ACBD5: variants seen among roughly 807,000 people sequenced by gnomAD.
ACBD5 encodes acyl-CoA-binding domain-containing protein 5.
In ACBD5, 40 loss-of-function variants were observed where a neutral mutation model predicts 71.8. That is an observed-to-expected ratio of 0.56 (90% CI 0.43 to 0.72). The LOEUF is 0.72. ACBD5 is among the 30% of genes least tolerant of loss of function. The pLI, the probability that ACBD5 is intolerant of heterozygous loss-of-function variation, is 0.00. For synonymous variants in ACBD5, 229 were observed against 218.6 expected (o/e 1.05, Z -0.42); for missense variants, 559 against 644.5 (o/e 0.87, Z 1.44).
intron 8 of ACBD5, among the ~76,000 whole-genome samples, chr10:27,211,458 T>C (rs1447954753): frequency 1.3e-5 from 2 of 152,088 alleles, no homozygotes; most frequent in East Asian, 1.9e-4. Flanking sequence ...GTAGCTGGGA[T>C]TACAGGCACG....
At chr10:27,207,891 C>T (rs974194015) in intron 10 of ACBD5, among the ~76,000 whole-genome samples, 1 of 152,044 alleles carries the variant, frequency 6.6e-6, no homozygotes, top group Non-Finnish European at 1.5e-5. Context: ...TGCAACACCA[C>T]ACCTGCCTAA....
At chr10:27,205,827 G>T (rs1324037874) in intron 10 of ACBD5, among the ~76,000 whole-genome samples, 2 of 151,872 alleles carry the variant, frequency 1.3e-5, no homozygotes, top group Non-Finnish European at 2.9e-5. Flanking sequence ...ACCATGCCTG[G>T]CCCAATTTAT....
intron 4 of ACBD5, among the ~76,000 whole-genome samples, chr10:27,228,815 A>ATATATATATT (rs1554856598): frequency 2.0e-4 from 4 of 20,368 alleles, no homozygotes; most frequent in Admixed American, 7.2e-4. Flanking sequence ...ATATATATAT[A>ATATATATATT]TTTTTTTTTT....
intron 5 of ACBD5, among the ~76,000 whole-genome samples, chr10:27,221,332 G>A (rs555864845): frequency 4.9e-4 from 75 of 152,066 alleles, no homozygotes; most frequent in Non-Finnish European, 7.4e-4. Context: ...AAATACCCTC[G>A]TTTTACTTCA....
intron 12 of ACBD5, among the ~76,000 whole-genome samples, chr10:27,199,901 A>G (rs1017169161): frequency 2.6e-5 from 4 of 152,108 alleles, no homozygotes; most frequent in African/African-American, 9.7e-5. Flanking sequence ...CTGAGAGACA[A>G]TAGCGTGAAC....
At position 27,217,984 on chromosome 10, in the gene ACBD5, G is replaced by A. The variant is rs760803176; in HGVS notation, c.825C>T (p.His275=). The A allele has an allele frequency of 1.9e-6, 3 of 1,613,976 alleles. No individual in the cohort carries two copies. In the South Asian group the frequency reaches 3.3e-5, roughly 18 times the overall value. The part of the protein sequence containing the change: ...GQTGKSAVCI[H]QDINDDHVED... ...AGAATTATTTGGGGACAATACCTTG[G>A]TGAATGCAAACAGCAGATTTTCCAG... Residue 275 remains histidine (H), a synonymous_variant, in exon 7 of 13, where the codon CAC becomes CAT. Transcript: ENST00000396271.
At chr10:27,229,117 C>A (rs756283114) in intron 4 of ACBD5, among the ~76,000 whole-genome samples, 1 of 151,070 alleles carries the variant, frequency 6.6e-6, no homozygotes, top group East Asian at 2.0e-4. Context: ...CCACCACAGC[C>A]GGCGTTAAAA....
chr10:27,186,326 A>G, intron 13 of ACBD5: 1 of 1,487,286 alleles, frequency 6.7e-7, no homozygotes, highest in Non-Finnish European at 9.4e-7. Flanking sequence ...CCTGTAAAGC[A>G]GTACTTACTT....
intron 5 of ACBD5, among the ~76,000 whole-genome samples, chr10:27,222,868 G>C (rs1280129840): frequency 7.9e-5 from 12 of 152,098 alleles, no homozygotes; most frequent in Non-Finnish European, 2.9e-5. Context: ...CACCACACCT[G>C]GCCAACATAT....
chr10:27,223,515 C>A (rs1021907130), intron 4 of ACBD5, 63 bp from the exon 5 acceptor site: 185 of 1,145,250 alleles, frequency 1.6e-4, no homozygotes, highest in Non-Finnish European at 5.7e-5. Flanking sequence ...CCACTAATAT[C>A]AAATAATCTC....
At chr10:27,187,874 C>T (rs2058864306) in intron 13 of ACBD5, among the ~76,000 whole-genome samples, 1 of 151,974 alleles carries the variant, frequency 6.6e-6, no homozygotes, top group Non-Finnish European at 1.5e-5. Context: ...TTAAAACATG[C>T]AACATTATCA....
intron 4 of ACBD5, among the ~76,000 whole-genome samples, chr10:27,227,687 C>T (rs372713275): frequency 1.2e-4 from 19 of 152,114 alleles, no homozygotes; most frequent in East Asian, 3.9e-4. Flanking sequence ...TCTGCCATGG[C>T]AACTTTCAGG....
rs2059366735 is a variant in ACBD5, at chr10:27,196,168, C to G, written c.*1262G>C. The G allele has an allele frequency of 4.4e-6, 2 of 453,562 alleles. No individual in the cohort carries two copies. The highest frequency in any genetic ancestry group is 4.7e-5 in the Admixed American group (2 of 42,482). 28.1% of individuals were successfully genotyped at this position (453,562 alleles called of 1,614,324 possible). ...TGAGCCAAGATCACGCCATTGCCCT[C>G]CAGCCTGGGCAACAAGAGAGAAACT... is the stretch of plus-strand genomic sequence containing the variant. On this transcript the variant is annotated 3_prime_UTR_variant, in exon 13 of 13. Transcript: ENST00000396271.
rs1564692334 is a variant in ACBD5, at chr10:27,228,818, T to TATATATATATAG, written c.375+2929_375+2930insCTATATATATAT. ...ATATATATATATATATATATATATT[T>TATATATATATAG]TTTTTTTTTTTTTTTTTTTTGAGAC... On this transcript the variant is annotated intron_variant, in intron 4 of 12. Transcript: ENST00000396271. 1.2e-4 allele frequency among the ~76,000 whole-genome samples: 2 copies of TATATATATATAG among 16,130 alleles called. 1 individual carries two copies. Among genetic ancestry groups the TATATATATATAG allele is most frequent in the Non-Finnish European group, 3.9e-4 (2 of 5,098 alleles). 10.6% of individuals were successfully genotyped at this position (16,130 alleles called of 152,430 possible). A position where few individuals can be genotyped will look rare whatever the true frequency, so the allele number is the denominator to read the frequency against.
chr10:27,206,488 G>A (rs2060480459), intron 10 of ACBD5, among the ~76,000 whole-genome samples: 1 of 151,918 alleles, frequency 6.6e-6, no homozygotes, highest in African/African-American at 2.4e-5. Context: ...GTGGTGGTGT[G>A]CACCTGTAGT....
At chr10:27,233,913 G>A (rs1233420463) in intron 3 of ACBD5, among the ~76,000 whole-genome samples, 2 of 151,882 alleles carry the variant, frequency 1.3e-5, no homozygotes, top group African/African-American at 4.8e-5. Flanking sequence ...GCGTGGTGGC[G>A]CATGCCTGTA....
chr10:27,195,511 A>G lies in ACBD5; in HGVS notation c.*1919T>C, dbSNP rs1485996478. 6.6e-6 allele frequency: 3 copies of G among 453,384 alleles called. No individual in the cohort carries two copies. In the Admixed American group the frequency reaches 7.1e-5, roughly 11 times the overall value. The allele number at this position is 453,384 out of a possible 1,614,324, so 28.1% of individuals were successfully genotyped here. A position where few individuals can be genotyped will look rare whatever the true frequency, so the allele number is the denominator to read the frequency against. ...TACACTCTTAATTTGCATTTTATTT[A>G]TTTATATACTAAGAGAAAAGACACT... On this transcript the variant is annotated 3_prime_UTR_variant, in exon 13 of 13. Transcript: ENST00000396271.
In ACBD5 at chr10:27,231,937, T is replaced by C. The variant is rs564488529; in HGVS notation, c.303-117A>G. ...TTAAAACAGGTTCTACTTAAAGCCA[T>C]AACAGGATTGTCTTAAATGTGCTAC... On this transcript the variant is annotated intron_variant, in intron 3 of 12. Coordinates refer to ENST00000396271, the MANE Select transcript of ACBD5 (RefSeq NM_145698.5). 1.3e-5 allele frequency: 13 copies of C among 967,132 alleles called. 1 individual carries two copies. The highest frequency in any genetic ancestry group is 4.4e-4 in the Middle Eastern group (2 of 4,510). 59.9% of individuals were successfully genotyped at this position (967,132 alleles called of 1,614,324 possible).
chr10:27,205,393 G>T (rs1317234155), intron 10 of ACBD5, 145 bp from the exon 11 acceptor site: 2 of 746,532 alleles, frequency 2.7e-6, no homozygotes. Context: ...CAGTTGGAAC[G>T]TAGAAATATT....
Sources: allele counts gnomAD v4.1 joint callset (sites outside exome capture counted in the v4.1 genomes callset), GRCh38; gene constraint gnomAD v4.1.1; transcripts MANE v1.5; gene names NCBI Gene and HGNC (gene_info 2026-07-23, HGNC 2026-07-21).